Variants in NOL4 observed in about 807,000 individuals in gnomAD.
NOL4 encodes cancer/testis antigen 125.
Under a neutral mutation model 75.9 loss-of-function variants are expected in NOL4, and 17 were observed. The ratio of observed to expected loss-of-function variants is 0.22; its 90% CI spans 0.15 to 0.34. The LOEUF is 0.34. Ranked by LOEUF, NOL4 falls within the 10% of genes least tolerant of loss-of-function variation. The pLI, the probability that NOL4 is intolerant of heterozygous loss-of-function variation, is 1.00. For missense variants in NOL4, 614 were observed against 793.5 expected (o/e 0.77, Z 2.72); for synonymous variants, 292 against 289.9 (o/e 1.01, Z -0.07).
At chr18:34,191,863 A>G (rs2034942958) in intron 1 of NOL4, among the ~76,000 whole-genome samples, 1 of 152,114 alleles carries the variant, frequency 6.6e-6, no homozygotes, top group Non-Finnish European at 1.5e-5. Flanking sequence ...CAAGTCTGTC[A>G]TATCTGTATA....
At chr18:34,165,858 T>TA (rs1189843764) in intron 1 of NOL4, among the ~76,000 whole-genome samples, 12 of 152,018 alleles carry the variant, frequency 7.9e-5, no homozygotes, top group Admixed American at 7.9e-4. Context: ...ACTATATTTT[T>TA]AAAATTGGTA....
intron 10 of NOL4, among the ~76,000 whole-genome samples, chr18:33,877,437 T>TAAAAA (rs35251455): frequency 9.4e-6 from 1 of 106,238 alleles, no homozygotes; most frequent in Admixed American, 1.0e-4. Context: ...GACCTTGCCT[T>TAAAAA]AAAAAAAAAA....
intron 9 of NOL4, among the ~76,000 whole-genome samples, chr18:33,895,159 A>C (rs2065323489): frequency 6.6e-6 from 1 of 152,106 alleles, no homozygotes; most frequent in Admixed American, 6.6e-5. Flanking sequence ...TTACTGTGAA[A>C]AATACAAATT....
At chr18:33,884,393 T>C (rs547582516) in intron 9 of NOL4, among the ~76,000 whole-genome samples, 1 of 152,078 alleles carries the variant, frequency 6.6e-6, no homozygotes, top group African/African-American at 2.4e-5. Flanking sequence ...ACCTTTCAGT[T>C]TTTTATTTGT....
intron 1 of NOL4, among the ~76,000 whole-genome samples, chr18:34,133,491 T>A (rs1215734941): frequency 1.3e-5 from 2 of 151,878 alleles, no homozygotes; most frequent in African/African-American, 4.8e-5. Context: ...TAATGTAATG[T>A]AATATATTAA....
intron 6 of NOL4, among the ~76,000 whole-genome samples, chr18:33,962,685 A>G (rs2070245543): frequency 6.6e-6 from 1 of 152,222 alleles, no homozygotes; most frequent in African/African-American, 2.4e-5. Flanking sequence ...AATAAAATAT[A>G]TTAAGGAAAA....
At chr18:34,113,402 G>A (rs2079699096) in intron 2 of NOL4, among the ~76,000 whole-genome samples, 1 of 152,170 alleles carries the variant, frequency 6.6e-6, no homozygotes, top group Non-Finnish European at 1.5e-5. Flanking sequence ...CAATTTGACA[G>A]GCTGAGGCTA....
chr18:34,223,481 C>T lies in NOL4; in HGVS notation c.-228G>A. The T allele has an allele frequency of 1.7e-6, 1 of 595,598 alleles. No homozygotes were observed. The highest frequency in any genetic ancestry group is 2.9e-6 in the Non-Finnish European group (1 of 340,676). The allele number at this position is 595,598 out of a possible 1,614,324, so 36.9% of individuals were successfully genotyped here. ...AAGTCTGGTCCATTCGTAATTGCAA[C>T]GGCTGTCTCGGACGTTTTTCCTGTT... On this transcript the variant is annotated 5_prime_UTR_variant, in exon 1 of 11. Transcript: ENST00000261592.
chr18:34,019,230 C>T, intron 6 of NOL4, 88 bp downstream of exon 6: 3 of 1,074,740 alleles, frequency 2.8e-6, no homozygotes, highest in South Asian at 1.6e-5. Flanking sequence ...TTTTTATTAA[C>T]AATAATGTTT....
intron 9 of NOL4, among the ~76,000 whole-genome samples, chr18:33,930,677 C>T (rs1457290623): frequency 6.6e-6 from 1 of 152,130 alleles, no homozygotes; most frequent in Admixed American, 6.6e-5. Flanking sequence ...TAAAAGCACA[C>T]ATTTTTTAGG....
chr18:34,133,039 G>A (rs1346145949), intron 1 of NOL4, among the ~76,000 whole-genome samples: 3 of 151,886 alleles, frequency 2.0e-5, no homozygotes, highest in Admixed American at 1.3e-4. Flanking sequence ...GGAGGAGGCA[G>A]AGGGGGGTGG....
chr18:33,962,048 C>A (rs1006018038), intron 6 of NOL4, among the ~76,000 whole-genome samples: 2 of 152,138 alleles, frequency 1.3e-5, no homozygotes, highest in African/African-American at 4.8e-5. Flanking sequence ...TACCAACCTT[C>A]TCTATGCTAA....
At chr18:33,861,939 C>G (rs530510882) in intron 10 of NOL4, among the ~76,000 whole-genome samples, 1 of 152,114 alleles carries the variant, frequency 6.6e-6, no homozygotes, top group Admixed American at 6.5e-5. Flanking sequence ...CATATGGAAC[C>G]AAAAAAGAGC....
chr18:33,968,807 G>A (rs149114983), intron 6 of NOL4, among the ~76,000 whole-genome samples: 248 of 152,170 alleles, frequency 1.6e-3, no homozygotes, highest in African/African-American at 5.6e-3. Context: ...AGTGCCACAA[G>A]CAACACAAAT....
chr18:34,119,100 A>G (rs1414374538), intron 2 of NOL4, among the ~76,000 whole-genome samples: 1 of 152,230 alleles, frequency 6.6e-6, no homozygotes, highest in African/African-American at 2.4e-5. Flanking sequence ...ACTCAAAAAG[A>G]AAACTCTCAG....
At position 33,879,122 on chromosome 18, in the gene NOL4, A is replaced by T. The variant is rs182639335; in HGVS notation, c.1723+4122T>A. Among the ~76,000 whole-genome samples, 168 of 152,248 alleles carry T rather than the reference A, an allele frequency of 1.1e-3. 1 individual carries two copies. The highest frequency in any genetic ancestry group is 7.1e-4 in the Non-Finnish European group (48 of 68,012). On this transcript the variant is annotated intron_variant, in intron 10 of 10. Coordinates refer to ENST00000261592, the MANE Select transcript of NOL4 (RefSeq NM_003787.5). ...TTCTTTTAATTTGAAGAATTTAAAA[A>T]AACAGTTTAATAGTTACATAAATAT...
At chr18:33,997,474 C>T (rs66870860) in intron 6 of NOL4, among the ~76,000 whole-genome samples, 20,747 of 145,044 alleles carry the variant, frequency 0.14, 1,505 homozygotes, top group Middle Eastern at 0.23. Context: ...GTTAGTGTGG[C>T]TCTGAAGTAT....
At chr18:34,163,681 A>G (rs1353225609) in intron 1 of NOL4, among the ~76,000 whole-genome samples, 1 of 152,206 alleles carries the variant, frequency 6.6e-6, no homozygotes, top group Non-Finnish European at 1.5e-5. Flanking sequence ...TAATTTATAG[A>G]TTCAATGCCA....
In NOL4 at chr18:34,185,547, A is replaced by G. The variant is rs899432861; in HGVS notation, c.264+37443T>C. 4.6e-5 allele frequency among the ~76,000 whole-genome samples: 7 copies of G among 152,160 alleles called. No individual in the cohort carries two copies. The South Asian group carries it at 1.4e-3, about 32-fold the overall frequency. On this transcript the variant is annotated intron_variant, in intron 1 of 10. Coordinates refer to ENST00000261592, the MANE Select transcript of NOL4 (RefSeq NM_003787.5). ...AATTGAACAATTATTCAAAGGGAAG[A>G]ATTTCCAAGCCACTGTACAATTTCA... is the stretch of plus-strand genomic sequence containing the variant.
Sources: allele counts gnomAD v4.1 joint callset (sites outside exome capture counted in the v4.1 genomes callset), GRCh38; gene constraint gnomAD v4.1.1; transcripts MANE v1.5; gene names NCBI Gene and HGNC (gene_info 2026-07-23, HGNC 2026-07-21).